AOX1: variants seen among roughly 807,000 people sequenced by gnomAD.
AOX1 encodes aldehyde oxidase.
Under a neutral mutation model 169.5 loss-of-function variants are expected in AOX1, and 153 were observed. The ratio of observed to expected loss-of-function variants is 0.90; its 90% CI spans 0.79 to 1.03. The LOEUF (loss-of-function observed/expected upper bound fraction) is 1.03, where lower values mean the gene tolerates loss of function less well. Ranked by LOEUF, AOX1 falls within the 50% of genes least tolerant of loss-of-function variation. The pLI is 0.00. For missense variants in AOX1, 1,656 were observed against 1,663.9 expected, an observed-to-expected ratio of 1.00 and a Z score of 0.08; for synonymous variants, 562 against 581.9, an observed-to-expected ratio of 0.97 and a Z score of 0.49.
chr2:200,669,707 A>T lies in AOX1; in HGVS notation c.3931A>T (p.Ile1311Phe). ...TLNSPLTPEK[I>F]RMACEDKFTK... ...TAATAGTCCACTGACCCCGGAGAAG[A>T]TTAGGATGGCCTGTGAAGACAAGTT... The change falls in exon 34 of 35, where the codon ATT becomes TTT. Residue 1311 changes from isoleucine (I) to phenylalanine (F), a missense_variant. Transcript: ENST00000374700. 6.2e-7 allele frequency: 1 copy of T among 1,613,974 alleles called. No homozygotes were observed.
chr2:200,669,470 T>C lies in AOX1; in HGVS notation c.3799-105T>C. The C allele has an allele frequency of 3.2e-6, 4 of 1,258,902 alleles. No homozygotes were observed. In the South Asian group the frequency reaches 6.0e-5, roughly 19 times the overall value. 78.0% of individuals were successfully genotyped at this position (1,258,902 alleles called of 1,614,324 possible). ...TGTCTCAAAAAAAAAAAAATGTACA[T>C]ATGTAGTACGTAATATTTTTATATA... On this transcript the variant is annotated intron_variant, in intron 33 of 34. Coordinates refer to ENST00000374700, the MANE Select transcript of AOX1 (RefSeq NM_001159.4).
Position 200,666,725 on chromosome 2 carries a change from T to C in AOX1, c.3582T>C (p.Ser1194=). The C allele has an allele frequency of 6.2e-7, 1 of 1,611,044 alleles. No individual in the cohort carries two copies. Among genetic ancestry groups the C allele is most frequent in the Non-Finnish European group, 8.5e-7 (1 of 1,179,218 alleles). The part of the protein sequence containing the change: ...RTDIVMDVGC[S]INPAIDIGQI... ...ACATTGTCATGGATGTTGGCTGCAG[T>C]ATAAATCCAGCCATTGACATAGGCC... The change falls in exon 32 of 35, where the codon AGT becomes AGC. Residue 1194 remains serine (S), a synonymous_variant. Transcript: ENST00000374700.
chr2:200,608,915 T>C, intron 10 of AOX1, 69 bp from the exon 11 acceptor site: 2 of 1,415,338 alleles, frequency 1.4e-6, no homozygotes, highest in East Asian at 4.6e-5. Context: ...TGTCTGTAGC[T>C]TTGGTCTAAT....
intron 23 of AOX1, among the ~76,000 whole-genome samples, chr2:200,639,638 G>A (rs1383426250): frequency 6.6e-6 from 1 of 152,054 alleles, no homozygotes; most frequent in African/African-American, 2.4e-5. Flanking sequence ...AGACATATAT[G>A]AAGTCATTAT....
intron 25 of AOX1, 24 bp downstream of exon 25, chr2:200,642,825 A>G: frequency 1.9e-6 from 3 of 1,599,972 alleles, no homozygotes; most frequent in Non-Finnish European, 2.6e-6. Flanking sequence ...AGCTTCACAG[A>G]CAAAACATGT....
chr2:200,602,384 C>T (rs2034434949), intron 6 of AOX1, 39 bp downstream of exon 6: 1 of 1,578,726 alleles, frequency 6.3e-7, no homozygotes, highest in Admixed American at 1.7e-5. Context: ...ATGTTTTCCC[C>T]AGTGAAACGA....
intron 27 of AOX1, among the ~76,000 whole-genome samples, chr2:200,657,330 C>T (rs952845466): frequency 2.0e-5 from 3 of 149,864 alleles, no homozygotes; most frequent in Admixed American, 6.6e-5. Flanking sequence ...ACTCCAGCCT[C>T]GGTGGCAGAG....
chr2:200,642,718 G>T lies in AOX1; in HGVS notation c.2764G>T (p.Gly922Trp). The T allele has an allele frequency of 6.2e-7, 1 of 1,614,140 alleles. No individual in the cohort carries two copies. The highest frequency in any genetic ancestry group is 1.7e-4 in the Middle Eastern group (1 of 6,058). Residue 922 changes from glycine (G) to tryptophan (W), a missense_variant, in exon 25 of 35, where the codon GGG becomes TGG. Coordinates refer to ENST00000374700, the MANE Select transcript of AOX1 (RefSeq NM_001159.4). ...TNLPSNTAFR[G>W]FGFPQAALIT... ...CCTTCCATCCAACACAGCTTTTCGT[G>T]GGTTTGGCTTTCCTCAGGCAGCGCT...
At position 200,659,417 on chromosome 2, in the gene AOX1, G is replaced by A. The variant is rs866950308; in HGVS notation, c.3300+124G>A. On this transcript the variant is annotated intron_variant, in intron 28 of 34. Transcript: ENST00000374700. ...TATCTCCTTCCCCATCTTGCCCTCA[G>A]TCAGTGGTACAGCACCCAGTGGTTC... The A allele has an allele frequency of 1.2e-4, 136 of 1,092,438 alleles. 1 individual carries two copies. The Middle Eastern group carries it at 1.9e-3, about 15-fold the overall frequency. The allele number at this position is 1,092,438 out of a possible 1,614,324, so 67.7% of individuals were successfully genotyped here.
In AOX1 at chr2:200,597,273, T is replaced by C. The variant is rs187411899; in HGVS notation, c.201-124T>C. 2.5e-3 allele frequency: 1,392 copies of C among 554,560 alleles called. 7 individuals are homozygous for C. The highest frequency in any genetic ancestry group is 3.3e-3 in the Non-Finnish European group (1,072 of 324,320). 34.4% of individuals were successfully genotyped at this position (554,560 alleles called of 1,614,324 possible). ...GTGCCTGAGCTAAGGAGGAAATGTA[T>C]GTGTAAAACCTGGGTACATTATACA... On this transcript the variant is annotated intron_variant, in intron 3 of 34. Coordinates refer to ENST00000374700, the MANE Select transcript of AOX1 (RefSeq NM_001159.4).
At chr2:200,593,501 A>G (rs1045519189) in intron 2 of AOX1, among the ~76,000 whole-genome samples, 13 of 152,180 alleles carry the variant, frequency 8.5e-5, no homozygotes, top group African/African-American at 3.1e-4. Flanking sequence ...CACAATATTT[A>G]TACTCTGTCC....
intron 32 of AOX1, 110 bp from the exon 33 acceptor site, chr2:200,668,505 C>A: frequency 2.1e-6 from 2 of 965,012 alleles, no homozygotes; most frequent in Non-Finnish European, 3.1e-6. Flanking sequence ...CCTGAAAATG[C>A]TCTTAAACTG....
intron 25 of AOX1, among the ~76,000 whole-genome samples, chr2:200,649,177 A>G (rs1207041555): frequency 6.6e-6 from 1 of 150,740 alleles, no homozygotes; most frequent in Admixed American, 6.6e-5. Context: ...TTCACCCCCT[A>G]CTTCTCTGGT....
chr2:200,600,475 C>CGG (rs35245400), intron 5 of AOX1, among the ~76,000 whole-genome samples: 1,939 of 151,482 alleles, frequency 0.013, 15 homozygotes, highest in Non-Finnish European at 0.019. Context: ...GTGTATGTGG[C>CGG]GGGGGGGGAC....
At chr2:200,653,440 A>G (rs1048827070) in intron 26 of AOX1, among the ~76,000 whole-genome samples, 3 of 152,206 alleles carry the variant, frequency 2.0e-5, no homozygotes, top group African/African-American at 7.2e-5. Flanking sequence ...TGTAATCTCC[A>G]CTTGATTATT....
At chr2:200,648,480 T>G (rs1393598222) in intron 25 of AOX1, among the ~76,000 whole-genome samples, 2 of 152,192 alleles carry the variant, frequency 1.3e-5, no homozygotes, top group African/African-American at 2.4e-5. Context: ...CAGTGCCTGT[T>G]CCGGTGGAGG....
chr2:200,634,856 A>G lies in AOX1; in HGVS notation c.2287A>G (p.Lys763Glu), dbSNP rs200881954. 1.2e-6 allele frequency: 2 copies of G among 1,614,114 alleles called. No homozygotes were observed. Among genetic ancestry groups the G allele is most frequent in the East Asian group, 4.5e-5 (2 of 44,872 alleles). ...METQSMLVVPKGEDQEMDVYV... is the reference protein window; with the variant it reads ...METQSMLVVPEGEDQEMDVYV... Reference sequence around the variant, plus strand: ...AACCCAAAGCATGCTTGTCGTTCCCAAGGGAGAGGATCAAGAAATGGATGT... The same window carrying G: ...AACCCAAAGCATGCTTGTCGTTCCCGAGGGAGAGGATCAAGAAATGGATGT... The change falls in exon 21 of 35, where the codon AAG becomes GAG. Residue 763 changes from lysine to glutamate, a missense_variant. Lys to Glu is a moderately conservative substitution (Grantham distance 56, BLOSUM62 1). Transcript: ENST00000374700.
At chr2:200,668,297 C>T (rs1027655331) in intron 32 of AOX1, among the ~76,000 whole-genome samples, 3 of 151,770 alleles carry the variant, frequency 2.0e-5, no homozygotes, top group African/African-American at 2.4e-5. Flanking sequence ...TTAGTAGAGA[C>T]GGGATTTCTC....
At position 200,654,250 on chromosome 2, in the gene AOX1, A is replaced by G. The variant is rs2035639909; in HGVS notation, c.3076-2592A>G. ...AAAAAAAAACAGAAAAGAAATTGTT[A>G]CAACTACCTCCTCAATCGTCAGCAA... On this transcript the variant is annotated intron_variant, in intron 26 of 34. Coordinates refer to ENST00000374700, the MANE Select transcript of AOX1 (RefSeq NM_001159.4). 2.0e-5 allele frequency among the ~76,000 whole-genome samples: 3 copies of G among 150,752 alleles called. No individual in the cohort carries two copies. In the South Asian group the frequency reaches 6.3e-4, roughly 32 times the overall value.
Sources: allele counts gnomAD v4.1 joint callset (sites outside exome capture counted in the v4.1 genomes callset), GRCh38; gene constraint gnomAD v4.1.1; transcripts MANE v1.5; gene names NCBI Gene and HGNC (gene_info 2026-07-23, HGNC 2026-07-21).